The following EGFR variants were observed in gnomAD, a reference collection of about 807,000 sequenced individuals.
The protein encoded by EGFR is epidermal growth factor receptor, also known as avian erythroblastic leukemia viral (v-erb-b) oncogene homolog.
Under a neutral mutation model 143.0 loss-of-function variants are expected in EGFR, and 58 were observed. The observed-to-expected ratio is 0.41, with a 90% CI of 0.33 to 0.50. EGFR has a LOEUF of 0.50. Ranked by LOEUF, EGFR falls within the 20% of genes least tolerant of loss-of-function variation. The pLI is 0.39. For missense variants in EGFR, 1,307 were observed against 1,579.0 expected (o/e 0.83, Z 2.92); for synonymous variants, 613 against 594.4 (o/e 1.03, Z -0.45).
At chr7:55,113,407 T>C (rs915845904) in intron 1 of EGFR, among the ~76,000 whole-genome samples, 1 of 152,314 alleles carries the variant, frequency 6.6e-6, no homozygotes, top group South Asian at 2.1e-4. Context: ...TTCTTTTTTT[T>C]CCCAGGTGAA....
intron 1 of EGFR, among the ~76,000 whole-genome samples, chr7:55,113,209 C>G (rs1166272959): frequency 6.6e-6 from 1 of 152,206 alleles, no homozygotes; most frequent in Non-Finnish European, 1.5e-5. Context: ...ATGAAAACAA[C>G]TCCCTTCCCT....
At chr7:55,099,651 G>T (rs1194174578) in intron 1 of EGFR, among the ~76,000 whole-genome samples, 2 of 152,186 alleles carry the variant, frequency 1.3e-5, no homozygotes, top group Admixed American at 6.5e-5. Flanking sequence ...GTCCACCTGG[G>T]ACTCTGCCTT....
Position 55,110,689 on chromosome 7 carries a change from C to T in EGFR, c.89-31597C>T, listed in dbSNP as rs558654052. Among the ~76,000 whole-genome samples the T allele has an allele frequency of 1.1e-4, 17 of 152,314 alleles. No homozygotes were observed. The East Asian group carries it at 1.3e-3, about 12-fold the overall frequency. Reference sequence around the variant, plus strand: ...CTGGGTTTCCATTCTGTTTCCTGTTCGGATCCGGAAGTAGAATTTCAAATA... The same window carrying T: ...CTGGGTTTCCATTCTGTTTCCTGTTTGGATCCGGAAGTAGAATTTCAAATA... On this transcript the variant is annotated intron_variant, in intron 1 of 27. Transcript: ENST00000275493.
chr7:55,029,503 A>T (rs1404787113), intron 1 of EGFR, among the ~76,000 whole-genome samples: 1 of 152,010 alleles, frequency 6.6e-6, no homozygotes, highest in Non-Finnish European at 1.5e-5. Flanking sequence ...AGAAAGAAAA[A>T]TTTTTATAAA....
intron 1 of EGFR, among the ~76,000 whole-genome samples, chr7:55,122,048 C>G (rs1454668036): frequency 6.6e-6 from 1 of 152,156 alleles, no homozygotes; most frequent in Non-Finnish European, 1.5e-5. Flanking sequence ...GAAATGATAA[C>G]AATTTATTTA....
At chr7:55,053,415 G>A (rs553443544) in intron 1 of EGFR, among the ~76,000 whole-genome samples, 37 of 152,296 alleles carry the variant, frequency 2.4e-4, no homozygotes, top group Admixed American at 1.3e-3. Context: ...CCAGGGACGT[G>A]GGAAATCATT....
chr7:55,142,537 T>C, intron 2 of EGFR, 100 bp downstream of exon 2: 2 of 1,480,060 alleles, frequency 1.4e-6, no homozygotes, highest in Non-Finnish European at 1.9e-6. Flanking sequence ...ATTTTTGCTA[T>C]GGCAATGACA....
chr7:55,063,576 A>G (rs1310533315), intron 1 of EGFR, among the ~76,000 whole-genome samples: 2 of 152,208 alleles, frequency 1.3e-5, no homozygotes, highest in Admixed American at 1.3e-4. Flanking sequence ...GCATTTTACC[A>G]TCAGCACACG....
chr7:55,172,197 C>G (rs929341328), intron 16 of EGFR, among the ~76,000 whole-genome samples: 11 of 152,236 alleles, frequency 7.2e-5, no homozygotes, highest in African/African-American at 2.2e-4. Context: ...TCTTTTCCAT[C>G]TTTTTCTTCT....
Position 55,104,641 on chromosome 7 carries a change from G to A in EGFR, c.89-37645G>A, listed in dbSNP as rs538682578. 3.7e-4 allele frequency among the ~76,000 whole-genome samples: 56 copies of A among 152,306 alleles called. 1 individual carries two copies. In the South Asian group the frequency reaches 0.011, roughly 31 times the overall value. On this transcript the variant is annotated intron_variant, in intron 1 of 27. Transcript: ENST00000275493. ...ATGTTCTTAGTGGAAATATGTCGGC[G>A]TGTGAAGTCCCAAAGCTCTGCCCTG...
rs1794004679 is a variant in EGFR, at chr7:55,134,148, C to A, written c.89-8138C>A. On this transcript the variant is annotated intron_variant, in intron 1 of 27. Transcript: ENST00000275493. ...GGAGTCAGGACTCAGCAAGGCCCAC[C>A]CCAGCCACACACAGATACAGTTCCA... 2.0e-5 allele frequency among the ~76,000 whole-genome samples: 3 copies of A among 152,310 alleles called. No homozygotes were observed. In the South Asian group the frequency reaches 6.2e-4, roughly 32 times the overall value.
intron 1 of EGFR, among the ~76,000 whole-genome samples, chr7:55,070,644 G>T (rs187740452): frequency 1.3e-5 from 2 of 152,222 alleles, no homozygotes; most frequent in Non-Finnish European, 2.9e-5. Context: ...TGGGATGTGC[G>T]CAGGCGATTA....
At chr7:55,053,394 C>T (rs939192202) in intron 1 of EGFR, among the ~76,000 whole-genome samples, 2 of 152,128 alleles carry the variant, frequency 1.3e-5, no homozygotes, top group African/African-American at 4.8e-5. Context: ...AAGGATGGGG[C>T]CTGGTCTAAG....
chr7:55,191,740 C>T lies in EGFR; in HGVS notation c.2491C>T (p.Arg831Cys), dbSNP rs371228501. The change falls in exon 21 of 28, where the codon CGT (arginine) becomes TGT (cysteine). Residue 831 changes from arginine to cysteine, a missense_variant. Coordinates refer to ENST00000275493, the MANE Select transcript of EGFR (RefSeq NM_005228.5). ...TCAGGGCATGAACTACTTGGAGGAC[C>T]GTCGCTTGGTGCACCGCGACCTGGC... ...IAKGMNYLED[R>C]RLVHRDLAAR... 66 of 1,613,908 alleles carry T rather than the reference C, an allele frequency of 4.1e-5. No individual in the cohort carries two copies. In the African/African-American group the frequency reaches 5.3e-4, roughly 13 times the overall value.
chr7:55,191,685 T>G, intron 20 of EGFR, 34 bp from the exon 21 acceptor site: 3 of 1,612,956 alleles, frequency 1.9e-6, no homozygotes, highest in South Asian at 1.1e-5. Context: ...CCCATGATGA[T>G]CTGTCCCTCA....
intron 12 of EGFR, 124 bp downstream of exon 12, chr7:55,160,462 A>C (rs1484801904): frequency 2.0e-5 from 21 of 1,052,970 alleles, no homozygotes; most frequent in Non-Finnish European, 2.7e-5. Flanking sequence ...AAGCAAATTA[A>C]AATCTTAAGA....
At chr7:55,105,392 C>A (rs574935150) in intron 1 of EGFR, among the ~76,000 whole-genome samples, 31 of 152,318 alleles carry the variant, frequency 2.0e-4, no homozygotes, top group Non-Finnish European at 2.8e-4. Flanking sequence ...ATTCTAAGTG[C>A]TTTTCAAAGT....
intron 1 of EGFR, among the ~76,000 whole-genome samples, chr7:55,050,843 C>A (rs1050222319): frequency 3.9e-5 from 6 of 152,248 alleles, no homozygotes; most frequent in Admixed American, 3.9e-4. Flanking sequence ...ACCCAGAGAT[C>A]CCAACTGTCC....
intron 1 of EGFR, among the ~76,000 whole-genome samples, chr7:55,084,905 T>C (rs1790665347): frequency 6.6e-6 from 1 of 152,186 alleles, no homozygotes; most frequent in Admixed American, 6.5e-5. Context: ...GTCCAGGTTC[T>C]CGGTAGCAGG....
Sources: allele counts gnomAD v4.1 joint callset (sites outside exome capture counted in the v4.1 genomes callset), GRCh38; gene constraint gnomAD v4.1.1; transcripts MANE v1.5; gene names NCBI Gene and HGNC (gene_info 2026-07-23, HGNC 2026-07-21).